The following SPATA6 variants were observed in gnomAD, a reference collection of about 807,000 sequenced individuals.
SPATA6 encodes spermatogenesis associated 6.
SPATA6 carries 56 observed loss-of-function variants against 65.3 expected under a neutral mutation model. The observed-to-expected ratio is 0.86, with a 90% confidence interval of 0.69 to 1.07. The LOEUF is 1.07. Among genes scored for constraint, SPATA6 ranks in the 50% least tolerant of loss-of-function variants. The pLI, the probability that SPATA6 is intolerant of heterozygous loss-of-function variation, is 0.00. For synonymous variants in SPATA6, 199 were observed against 213.2 expected (o/e 0.93, Z 0.58); for missense variants, 590 against 594.8 (o/e 0.99, Z 0.08).
At chr1:48,289,318 G>A in the SPATA6 span, among the ~76,000 whole-genome samples, 1 of 152,158 alleles carries the variant, frequency 6.6e-6, no homozygotes, top group African/African-American at 2.4e-5. Context: ...AAACAGAAAG[G>A]ACATCTGCAC....
intron 12 of SPATA6, among the ~76,000 whole-genome samples, chr1:48,299,667 G>T (rs1055416168): frequency 1.3e-5 from 2 of 151,884 alleles, no homozygotes; most frequent in African/African-American, 4.8e-5. Flanking sequence ...AGTTTTACAG[G>T]ATTGTTTTAA....
intron 11 of SPATA6, among the ~76,000 whole-genome samples, chr1:48,332,317 T>G (rs1037833216): frequency 1.3e-5 from 2 of 152,090 alleles, no homozygotes; most frequent in South Asian, 4.1e-4. Context: ...CAGGACCCAA[T>G]AGTATGCTGT....
At chr1:48,402,748 G>A (rs927175668) in intron 6 of SPATA6, 1 of 152,110 alleles carries the variant, frequency 6.6e-6, no homozygotes, top group Non-Finnish European at 1.5e-5. Context: ...TGAGCCCTCT[G>A]GGCTTTACAT....
chr1:48,308,784 C>A (rs781281482), intron 11 of SPATA6, among the ~76,000 whole-genome samples: 6 of 152,120 alleles, frequency 3.9e-5, no homozygotes, highest in Non-Finnish European at 7.4e-5. Context: ...TCCACAGTTT[C>A]TGATTTAAAC....
chr1:48,278,056 A>C, the SPATA6 span, among the ~76,000 whole-genome samples: 1 of 152,186 alleles, frequency 6.6e-6, no homozygotes, highest in Non-Finnish European at 1.5e-5. Context: ...ATCACTGCTG[A>C]TACCCAGGCA....
At chr1:48,371,930 C>T (rs1424323567) in intron 9 of SPATA6, among the ~76,000 whole-genome samples, 1 of 152,122 alleles carries the variant, frequency 6.6e-6, no homozygotes, top group African/African-American at 2.4e-5. Flanking sequence ...ATCATGAGAG[C>T]AGCATGGGAA....
At chr1:48,325,079 C>A in intron 11 of SPATA6, 1 of 386,644 alleles carries the variant, frequency 2.6e-6, no homozygotes, top group South Asian at 5.1e-5. Context: ...CCAAAAATAT[C>A]ATATCAGTAA....
At chr1:48,275,603 G>A in the SPATA6 span, among the ~76,000 whole-genome samples, 1 of 152,046 alleles carries the variant, frequency 6.6e-6, no homozygotes, top group Non-Finnish European at 1.5e-5. Context: ...ATAATCACGT[G>A]GTTTTTGTCA....
chr1:48,441,149 C>T (rs1655428194), intron 3 of SPATA6, among the ~76,000 whole-genome samples: 1 of 152,170 alleles, frequency 6.6e-6, no homozygotes, highest in Non-Finnish European at 1.5e-5. Context: ...GTTCTCTGGG[C>T]CAGAAGCCCC....
intron 9 of SPATA6, among the ~76,000 whole-genome samples, chr1:48,370,462 A>C (rs903711421): frequency 6.6e-6 from 1 of 152,248 alleles, no homozygotes; most frequent in Non-Finnish European, 1.5e-5. Context: ...ATCAAGTAAA[A>C]GATCAATTCC....
the SPATA6 span, among the ~76,000 whole-genome samples, chr1:48,269,718 A>G: frequency 1.3e-5 from 2 of 151,924 alleles, no homozygotes; most frequent in African/African-American, 4.8e-5. Flanking sequence ...TTTTGGTAAT[A>G]GAAATACATA....
the SPATA6 span, among the ~76,000 whole-genome samples, chr1:48,265,979 G>C: frequency 6.6e-6 from 1 of 152,156 alleles, no homozygotes; most frequent in Non-Finnish European, 1.5e-5. Flanking sequence ...TATGCATGGT[G>C]AGTAGATTAC....
intron 11 of SPATA6, among the ~76,000 whole-genome samples, chr1:48,311,701 G>C (rs1645213705): frequency 6.6e-6 from 1 of 152,198 alleles, no homozygotes; most frequent in Non-Finnish European, 1.5e-5. Flanking sequence ...CATCTCACTA[G>C]GGACTGTCGG....
chr1:48,367,248 G>T (rs1338854481), intron 9 of SPATA6, among the ~76,000 whole-genome samples: 1 of 152,178 alleles, frequency 6.6e-6, no homozygotes, highest in African/African-American at 2.4e-5. Context: ...AGTGTGGTGT[G>T]GTGCTTAAAA....
intron 1 of SPATA6, among the ~76,000 whole-genome samples, chr1:48,467,121 C>A (rs1390950692): frequency 1.3e-5 from 2 of 152,024 alleles, no homozygotes; most frequent in African/African-American, 4.8e-5. Context: ...ATGTCATTCT[C>A]CAAAGACTCA....
chr1:48,290,187 C>T, the SPATA6 span, among the ~76,000 whole-genome samples: 1 of 152,090 alleles, frequency 6.6e-6, no homozygotes, highest in Non-Finnish European at 1.5e-5. Flanking sequence ...AGAGTGGGGG[C>T]CAATATTCAA....
At chr1:48,316,941 C>T (rs1165822411) in intron 11 of SPATA6, among the ~76,000 whole-genome samples, 1 of 152,212 alleles carries the variant, frequency 6.6e-6, no homozygotes, top group Non-Finnish European at 1.5e-5. Flanking sequence ...CTCATCATCA[C>T]TGGCCATCAG....
intron 9 of SPATA6, among the ~76,000 whole-genome samples, chr1:48,385,018 T>C (rs1003223467): frequency 3.9e-5 from 6 of 152,180 alleles, no homozygotes; most frequent in Admixed American, 2.0e-4. Context: ...ATGTAAGGTA[T>C]TACTGAATAT....
chr1:48,445,116 C>A (rs1295812968), intron 3 of SPATA6, among the ~76,000 whole-genome samples: 1 of 152,170 alleles, frequency 6.6e-6, no homozygotes, highest in Non-Finnish European at 1.5e-5. Flanking sequence ...CTAGAAGATT[C>A]CACATTGGTT....
Sources: gnomAD v4.1 joint callset for allele counts (sites outside exome capture counted in the v4.1 genomes callset) on GRCh38, gnomAD v4.1.1 for gene constraint, MANE v1.5 for transcripts, NCBI Gene and HGNC (gene_info 2026-07-23, HGNC 2026-07-21) for gene names.